Variants in KIF26B observed in about 807,000 individuals in gnomAD.
The protein encoded by KIF26B is kinesin-like protein KIF26B.
In KIF26B, 63 loss-of-function variants were observed where a neutral mutation model predicts 151.2. The observed-to-expected ratio is 0.42, with a 90% confidence interval of 0.34 to 0.51. KIF26B has a LOEUF of 0.51. Among genes scored for constraint, KIF26B ranks in the 20% least tolerant of loss-of-function variants. KIF26B has a pLI of 0.07. For missense variants in KIF26B, 2,813 were observed against 2,913.6 expected (o/e 0.97, Z 0.79); for synonymous variants, 1,357 against 1,262.1 (o/e 1.08, Z -1.59).
At chr1:245,652,732 G>A (rs2044033666) in intron 10 of KIF26B, among the ~76,000 whole-genome samples, 1 of 152,128 alleles carries the variant, frequency 6.6e-6, no homozygotes, top group African/African-American at 2.4e-5. Flanking sequence ...TCTACACCTC[G>A]TCCTTTTCAT....
At chr1:245,161,955 C>G (rs11577285) in intron 2 of KIF26B, among the ~76,000 whole-genome samples, 2 of 152,018 alleles carry the variant, frequency 1.3e-5, no homozygotes, top group Non-Finnish European at 2.9e-5. Context: ...GAGGAATTGT[C>G]TTGGCTGGAA....
At chr1:245,568,317 C>T (rs1441720227) in intron 5 of KIF26B, among the ~76,000 whole-genome samples, 1 of 151,846 alleles carries the variant, frequency 6.6e-6, no homozygotes, top group African/African-American at 2.4e-5. Context: ...GGAGTTCAGC[C>T]TGGGCAACAG....
Position 245,686,822 on chromosome 1 carries a change from C to T in KIF26B, c.3839C>T (p.Ser1280Phe). 6.2e-7 allele frequency: 1 copy of T among 1,613,606 alleles called. No individual in the cohort carries two copies. Among genetic ancestry groups the T allele is most frequent in the African/African-American group, 1.3e-5 (1 of 75,058 alleles). The part of the protein sequence containing the change: ...DAGSRRSSIS[S>F]WLSEMSAGSE... ...GGGAGCAGACGCTCTTCCATCAGCT[C>T]CTGGCTGAGCGAGATGAGCGCGGGC... The change falls in exon 12 of 15, where the codon TCC becomes TTC. Residue 1280 changes from serine (S) to phenylalanine (F), a missense_variant. This residue lies in a region of KIF26B where 2,060 missense variants were observed against 2,088.6 expected (regional missense o/e 0.99). Transcript: ENST00000407071. The surrounding 1 kb of genome is among the most constrained non-coding windows in gnomAD (Gnocchi z 5.6).
At position 245,327,188 on chromosome 1, in the gene KIF26B, C is replaced by CCTGAAT. The variant is rs1375524686; in HGVS notation, c.466-39643_466-39638dup. Among the ~76,000 whole-genome samples, 5 of 152,268 alleles carry CCTGAAT rather than the reference C, an allele frequency of 3.3e-5. No homozygotes were observed. The South Asian group carries it at 1.0e-3, about 32-fold the overall frequency. ...GAAGGCACCCAGGCAGGTGAGGAGC[C>CCTGAAT]CTGAATCTCGAGCTTCCTTTAGCTT... On this transcript the variant is annotated intron_variant, in intron 2 of 14. Transcript: ENST00000407071.
rs529545729 is a variant in KIF26B at position 245,606,646 on chromosome 1, AATC to A, written c.1558-1003_1558-1001del. Among the ~76,000 whole-genome samples, 48 of 152,338 alleles carry A rather than the reference AATC, an allele frequency of 3.2e-4. No homozygotes were observed. In the East Asian group the frequency reaches 8.3e-3, roughly 26 times the overall value. ...GCCTGGTCCCTGTCTAGGATTTAAT[AATC>A]AAATTGGAGACCAGACACACACACC... On this transcript the variant is annotated intron_variant, in intron 6 of 14. Coordinates refer to ENST00000407071, the MANE Select transcript of KIF26B (RefSeq NM_018012.4). This position sits in a 1 kb window ranked among gnomAD's most constrained non-coding sequence, Gnocchi z 4.6.
intron 2 of KIF26B, among the ~76,000 whole-genome samples, chr1:245,351,022 T>A (rs971224844): frequency 2.0e-5 from 3 of 152,202 alleles, no homozygotes; most frequent in Non-Finnish European, 4.4e-5. Flanking sequence ...TCCTCACATG[T>A]ATTCTAACAA....
chr1:245,687,915 G>T lies in KIF26B; in HGVS notation c.4932G>T (p.Lys1644Asn). 6.3e-7 allele frequency: 1 copy of T among 1,593,498 alleles called. No individual in the cohort carries two copies. The highest frequency in any genetic ancestry group is 1.1e-5 in the South Asian group (1 of 87,522). The change falls in exon 12 of 15, where the codon AAG becomes AAT. Residue 1644 changes from lysine to asparagine, a missense_variant. Lys to Asn is a moderately conservative substitution (Grantham distance 94, BLOSUM62 0). This residue lies in a region of KIF26B where 2,060 missense variants were observed against 2,088.6 expected (regional missense o/e 0.99). Transcript: ENST00000407071. The surrounding 1 kb of genome is among the most constrained non-coding windows in gnomAD (Gnocchi z 4.9). Reference sequence around the variant, plus strand: ...GCCTCCCAGACGAGCCTAGCGGCAAGACGAAGGACGCCAGCAGCAGCAGCA... The same window carrying T: ...GCCTCCCAGACGAGCCTAGCGGCAATACGAAGGACGCCAGCAGCAGCAGCA... Reference protein sequence around the residue: ...PAGLPDEPSGKTKDASSSSKL... With the variant: ...PAGLPDEPSGNTKDASSSSKL...
intron 2 of KIF26B, among the ~76,000 whole-genome samples, chr1:245,229,719 C>A (rs972250258): frequency 3.9e-5 from 6 of 152,210 alleles, no homozygotes; most frequent in African/African-American, 1.4e-4. Flanking sequence ...ATTCTGTAAG[C>A]AAAGTAATAC....
intron 2 of KIF26B, chr1:245,206,627 G>A (rs532286823): frequency 7.2e-5 from 11 of 152,206 alleles, no homozygotes; most frequent in African/African-American, 2.2e-4. Context: ...GAAGGAGGCC[G>A]GGAGAATACT....
chr1:245,304,987 T>C (rs533363251), intron 2 of KIF26B, among the ~76,000 whole-genome samples: 1 of 152,274 alleles, frequency 6.6e-6, no homozygotes, highest in African/African-American at 2.4e-5. Flanking sequence ...CTGTGTAGTG[T>C]CCAGCACCAG....
At position 245,310,869 on chromosome 1, in the gene KIF26B, A is replaced by C. The variant is rs75639803; in HGVS notation, c.466-55965A>C. Among the ~76,000 whole-genome samples, 522 of 152,124 alleles carry C rather than the reference A, an allele frequency of 3.4e-3. 1 individual carries two copies. Among genetic ancestry groups the C allele is most frequent in the African/African-American group, 0.012 (493 of 41,504 alleles). ...GAGCCACAGCTGCAAATGAACCACT[A>C]ATTTTCCCATCTCTGCTTGCAATTT... is the stretch of plus-strand genomic sequence containing the variant. On this transcript the variant is annotated intron_variant, in intron 2 of 14. Coordinates refer to ENST00000407071, the MANE Select transcript of KIF26B (RefSeq NM_018012.4).
chr1:245,653,613 G>A (rs1274506030), intron 10 of KIF26B, among the ~76,000 whole-genome samples: 1 of 152,156 alleles, frequency 6.6e-6, no homozygotes, highest in Non-Finnish European at 1.5e-5. Context: ...ACAGCTAATA[G>A]GCAACAGGGC....
At chr1:245,632,823 G>A (rs1192341791) in intron 9 of KIF26B, among the ~76,000 whole-genome samples, 1 of 152,170 alleles carries the variant, frequency 6.6e-6, no homozygotes, top group Non-Finnish European at 1.5e-5. Flanking sequence ...TGGAAGGATC[G>A]TTTGAGCCTG....
At chr1:245,403,989 T>A (rs1389412494) in intron 3 of KIF26B, among the ~76,000 whole-genome samples, 1 of 152,184 alleles carries the variant, frequency 6.6e-6, no homozygotes, top group Non-Finnish European at 1.5e-5. Context: ...ATGGCCTGAT[T>A]GATTCCAGAC....
chr1:245,569,481 G>C (rs888970158), intron 5 of KIF26B, among the ~76,000 whole-genome samples: 4 of 152,052 alleles, frequency 2.6e-5, no homozygotes, highest in Non-Finnish European at 5.9e-5. Context: ...ATCGTGGCAG[G>C]CACCTGTAAT....
intron 2 of KIF26B, among the ~76,000 whole-genome samples, chr1:245,226,764 G>A (rs1364602700): frequency 6.6e-6 from 1 of 152,012 alleles, no homozygotes; most frequent in African/African-American, 2.4e-5. Context: ...CACCTGGCCA[G>A]ATGCATCTCT....
intron 9 of KIF26B, among the ~76,000 whole-genome samples, chr1:245,619,747 T>C (rs1383181965): frequency 6.6e-6 from 1 of 151,582 alleles, no homozygotes; most frequent in East Asian, 1.9e-4. Context: ...ACCTCGTCTC[T>C]ACTAAAAATA....
rs528180779 is a variant in KIF26B at position 245,415,719 on chromosome 1, G to C, written c.1000-3860G>C. ...CTTTTGGAGCACTATCTTGCAGACT[G>C]TCTTTGCACAAGATATTGACAGGAA... On this transcript the variant is annotated intron_variant, in intron 3 of 14. Coordinates refer to ENST00000407071, the MANE Select transcript of KIF26B (RefSeq NM_018012.4). Among the ~76,000 whole-genome samples, 69 of 151,606 alleles carry C rather than the reference G, an allele frequency of 4.6e-4. 1 individual carries two copies. Among genetic ancestry groups the C allele is most frequent in the African/African-American group, 1.6e-3 (67 of 41,322 alleles).
Position 245,218,092 on chromosome 1 carries a change from C to T in KIF26B, c.465+61409C>T, listed in dbSNP as rs1486813462. 1.3e-5 allele frequency among the ~76,000 whole-genome samples: 2 copies of T among 152,232 alleles called. No homozygotes were observed. The highest frequency in any genetic ancestry group is 2.4e-5 in the African/African-American group (1 of 41,460). Reference sequence around the variant, plus strand: ...CCTGGTGACTCTGAAGAGAGCCCACCTACAGTCCAGCATGTCTGGATCCTG... The same window carrying T: ...CCTGGTGACTCTGAAGAGAGCCCACTTACAGTCCAGCATGTCTGGATCCTG... On this transcript the variant is annotated intron_variant, in intron 2 of 14. Coordinates refer to ENST00000407071, the MANE Select transcript of KIF26B (RefSeq NM_018012.4). The surrounding 1 kb of genome is among the most constrained non-coding windows in gnomAD (Gnocchi z 4.1).
Sources: allele counts gnomAD v4.1 joint callset (sites outside exome capture counted in the v4.1 genomes callset), GRCh38; gene constraint gnomAD v4.1.1; regional missense constraint gnomAD v4.1.1; non-coding constraint Gnocchi (gnomAD v3.1); transcripts MANE v1.5; gene names NCBI Gene and HGNC (gene_info 2026-07-23, HGNC 2026-07-21).